Variants in SLC29A3 observed in about 807,000 individuals in gnomAD.
SLC29A3 encodes solute carrier family 29 member 3.
In SLC29A3, 18 loss-of-function variants were observed where a neutral mutation model predicts 25.4. The ratio of observed to expected loss-of-function variants is 0.71; its 90% confidence interval spans 0.49 to 1.05. The LOEUF is 1.05. Among genes scored for constraint, SLC29A3 ranks in the 50% least tolerant of loss-of-function variants. The pLI is 0.00. For missense variants in SLC29A3, 586 were observed against 609.0 expected (o/e 0.96, Z 0.40); for synonymous variants, 258 against 267.1 (o/e 0.97, Z 0.33).
chr10:71,338,189 G>A (rs1253902085), intron 2 of SLC29A3, among the ~76,000 whole-genome samples: 2 of 152,246 alleles, frequency 1.3e-5, no homozygotes, highest in African/African-American at 2.4e-5. Context: ...GGGTTGCAGA[G>A]TAAGGCGAGA....
intron 5 of SLC29A3, among the ~76,000 whole-genome samples, chr10:71,357,912 G>A (rs889495537): frequency 6.6e-6 from 1 of 152,234 alleles, no homozygotes; most frequent in African/African-American, 2.4e-5. Context: ...GAAGTGCCAG[G>A]TGCGTTAGCC....
chr10:71,374,997 G>C (rs1564547043), intron 3 of SLC29A3, among the ~76,000 whole-genome samples: 2 of 152,236 alleles, frequency 1.3e-5, no homozygotes, highest in Admixed American at 6.5e-5. Context: ...AAATCCTGCT[G>C]AACAGCTCAT....
chr10:71,375,216 C>T (rs1847241164), intron 3 of SLC29A3, among the ~76,000 whole-genome samples: 1 of 152,214 alleles, frequency 6.6e-6, no homozygotes, highest in African/African-American at 2.4e-5. Flanking sequence ...TGTTATTAGA[C>T]ATGAGCACTG....
Position 71,362,102 on chromosome 10 carries a change from C to T in SLC29A3, c.922C>T (p.Leu308=). The change falls in exon 6 of 6, where the codon CTG becomes TTG. Residue 308 remains leucine (L), a synonymous_variant. Transcript: ENST00000373189. ...LRPILKKTAS[L]GFCVTYVFFI... ...CCCCATCCTGAAGAAGACGGCCAGCCTGGGCTTCTGTGTCACCTACGTCTT... is the reference window on the plus strand; with the variant it reads ...CCCCATCCTGAAGAAGACGGCCAGCTTGGGCTTCTGTGTCACCTACGTCTT... The T allele has an allele frequency of 6.2e-7, 1 of 1,614,196 alleles. No individual in the cohort carries two copies. Among genetic ancestry groups the T allele is most frequent in the African/African-American group, 1.3e-5 (1 of 75,054 alleles).
intron 4 of SLC29A3, among the ~76,000 whole-genome samples, chr10:71,377,111 C>G (rs1304053474): frequency 6.6e-6 from 1 of 152,182 alleles, no homozygotes; most frequent in African/African-American, 2.4e-5. Flanking sequence ...AGAGCTGAAC[C>G]AAGATGGTTA....
Position 71,322,752 on chromosome 10 carries a change from A to T in SLC29A3, c.2-4A>T. 1 of 1,614,000 alleles carries T rather than the reference A, an allele frequency of 6.2e-7. No individual in the cohort carries two copies. Among genetic ancestry groups the T allele is most frequent in the Non-Finnish European group, 8.5e-7 (1 of 1,180,012 alleles). On this transcript the variant is annotated splice_region_variant and splice_polypyrimidine_tract_variant and intron_variant, in intron 1 of 5. Coordinates refer to ENST00000373189, the MANE Select transcript of SLC29A3 (RefSeq NM_018344.6). ...TGTCTCTGTTGCCCTCCTTGCTCCA[A>T]TAGTGGCCGTTGTCTCAGAGGACGA...
chr10:71,376,767 GT>G (rs1471371816), intron 4 of SLC29A3, among the ~76,000 whole-genome samples: 3 of 151,982 alleles, frequency 2.0e-5, no homozygotes, highest in African/African-American at 7.2e-5. Context: ...GTGTTTTTTT[GT>G]TTTGTTTTGT....
chr10:71,344,678 C>T (rs1846516132), intron 3 of SLC29A3, among the ~76,000 whole-genome samples: 1 of 152,176 alleles, frequency 6.6e-6, no homozygotes, highest in Admixed American at 6.5e-5. Context: ...TCAACCACTC[C>T]CAAGAGGGCT....
At chr10:71,346,904 C>T (rs1159728420) in intron 3 of SLC29A3, among the ~76,000 whole-genome samples, 1 of 152,200 alleles carries the variant, frequency 6.6e-6, no homozygotes, top group Non-Finnish European at 1.5e-5. Flanking sequence ...GGGTCTGTCT[C>T]CAGTGAGATG....
intron 4 of SLC29A3, 139 bp downstream of exon 4, chr10:71,351,927 T>C: frequency 1.2e-6 from 1 of 817,722 alleles, no homozygotes; most frequent in Non-Finnish European, 2.0e-6. Context: ...TCTAGTGTTG[T>C]AGAACAACAA....
chr10:71,351,891 C>A, intron 4 of SLC29A3, 103 bp downstream of exon 4: 1 of 988,088 alleles, frequency 1.0e-6, no homozygotes, highest in Non-Finnish European at 1.5e-6. Flanking sequence ...AAGGAAATGG[C>A]ATGGGTGCTG....
At chr10:71,341,234 AGTGG>A (rs1846400013) in intron 2 of SLC29A3, among the ~76,000 whole-genome samples, 1 of 142,408 alleles carries the variant, frequency 7.0e-6, no homozygotes, top group African/African-American at 3.1e-5. Context: ...CTTTGGTGGC[AGTGG>A]TGGCAGCAGT....
chr10:71,322,775 C>T lies in SLC29A3; in HGVS notation c.21C>T (p.Asp7=), dbSNP rs746298917. Residue 7 remains aspartate (D), a synonymous_variant, in exon 2 of 6, where the codon GAC becomes GAT. Coordinates refer to ENST00000373189, the MANE Select transcript of SLC29A3 (RefSeq NM_018344.6). MAVVSE[D]DFQHSSNSTY... The stretch of plus-strand genomic sequence containing the variant: ...CAATAGTGGCCGTTGTCTCAGAGGA[C>T]GACTTTCAGCACAGTTCAAACTCCA... 3.2e-5 allele frequency: 51 copies of T among 1,614,018 alleles called. No individual in the cohort carries two copies. Among genetic ancestry groups the T allele is most frequent in the African/African-American group, 6.7e-5 (5 of 74,930 alleles).
At chr10:71,339,092 G>C (rs1846328161) in intron 2 of SLC29A3, among the ~76,000 whole-genome samples, 1 of 152,238 alleles carries the variant, frequency 6.6e-6, no homozygotes, top group South Asian at 2.1e-4. Context: ...CACTCCCAAT[G>C]TGGACCTCTG....
At chr10:71,366,400 A>C (rs913603916), downstream of SLC29A3, 5 of 152,214 alleles carry the variant, frequency 3.3e-5, no homozygotes, top group Non-Finnish European at 4.4e-5. Flanking sequence ...GGTGAAGTGA[A>C]AAGGTGGGAG....
At chr10:71,361,845 G>T in intron 5 of SLC29A3, 109 bp from the exon 6 acceptor site, 1 of 1,318,264 alleles carries the variant, frequency 7.6e-7, no homozygotes, top group Non-Finnish European at 1.1e-6. Flanking sequence ...TACGGGGCTT[G>T]GGCTCTCCAT....
chr10:71,362,386 C>T lies in SLC29A3; in HGVS notation c.1206C>T (p.Val402=), dbSNP rs766571695. Residue 402 remains valine (V), a synonymous_variant, in exon 6 of 6, where the codon GTC becomes GTT. Transcript: ENST00000373189. The stretch of plus-strand genomic sequence containing the variant: ...TGCTCTGTAACTACCAGCCCCGCGT[C>T]CACCTGAAGACTGTGGTCTTCCAGT... ...LFVLCNYQPR[V]HLKTVVFQSD... 19 of 1,614,196 alleles carry T rather than the reference C, an allele frequency of 1.2e-5. No homozygotes were observed. In the East Asian group the frequency reaches 4.0e-4, roughly 34 times the overall value.
rs527719575 is a variant in SLC29A3 at position 71,361,935 on chromosome 10, C to T, written c.774-19C>T. The T allele has an allele frequency of 1.2e-6, 2 of 1,613,576 alleles. No homozygotes were observed. The highest frequency in any genetic ancestry group is 3.3e-5 in the Admixed American group (2 of 60,020). ...TCCCAAGCAACCTGCTTGATGGTGGCCCTGTCTCCTCCCTGCAGGTACTAC... is the reference window on the plus strand; with the variant it reads ...TCCCAAGCAACCTGCTTGATGGTGGTCCTGTCTCCTCCCTGCAGGTACTAC... On this transcript the variant is annotated intron_variant, in intron 5 of 5. Transcript: ENST00000373189.
chr10:71,370,532 T>G (rs910202022), intron 3 of SLC29A3, among the ~76,000 whole-genome samples: 29 of 152,142 alleles, frequency 1.9e-4, no homozygotes, highest in African/African-American at 7.0e-4. Flanking sequence ...ATTTATTATA[T>G]ATATTTTAAG....
Sources: allele counts gnomAD v4.1 joint callset (sites outside exome capture counted in the v4.1 genomes callset), GRCh38; gene constraint gnomAD v4.1.1; transcripts MANE v1.5; gene names NCBI Gene and HGNC (gene_info 2026-07-23, HGNC 2026-07-21).